Variants in EXOC6 observed in about 807,000 individuals in gnomAD.
EXOC6 encodes the protein SEC15-like 1.
EXOC6 carries 60 observed loss-of-function variants against 112.5 expected under a neutral mutation model. The observed-to-expected ratio is 0.53, with a 90% CI of 0.43 to 0.66. EXOC6 has a LOEUF of 0.66. Among genes scored for constraint, EXOC6 ranks in the 30% least tolerant of loss-of-function variants. The pLI, the probability that EXOC6 is intolerant of heterozygous loss-of-function variation, is 0.00. For missense variants in EXOC6, 855 were observed against 957.1 expected, an observed-to-expected ratio of 0.89 and a Z score of 1.41; for synonymous variants, 295 against 308.0, an observed-to-expected ratio of 0.96 and a Z score of 0.44.
intron 1 of EXOC6, among the ~76,000 whole-genome samples, chr10:92,884,063 A>G (rs1564799572): frequency 6.6e-6 from 1 of 151,840 alleles, no homozygotes; most frequent in East Asian, 1.9e-4. Flanking sequence ...CAACTGGCTA[A>G]TTTTTTTGTA....
chr10:93,018,538 A>G (rs1163230697), intron 20 of EXOC6, among the ~76,000 whole-genome samples: 2 of 151,784 alleles, frequency 1.3e-5, no homozygotes, highest in African/African-American at 4.8e-5. Context: ...CCAAAATATG[A>G]TTGCTGGCAT....
In EXOC6 at chr10:92,848,523, T is replaced by C; in HGVS notation, c.-11T>C. ...CGCCGCGCCTCGCTGGCTCCTCAGC[T>C]TCCAGCCAAAATGGCGGAGAACAGC... On this transcript the variant is annotated 5_prime_UTR_variant, in exon 1 of 22. Coordinates refer to ENST00000260762, the MANE Select transcript of EXOC6 (RefSeq NM_019053.6). 2 of 1,337,514 alleles carry C rather than the reference T, an allele frequency of 1.5e-6. No homozygotes were observed. Among genetic ancestry groups the C allele is most frequent in the South Asian group, 2.7e-5 (2 of 74,834 alleles). 82.9% of individuals were successfully genotyped at this position (1,337,514 alleles called of 1,614,324 possible).
At chr10:92,939,130 T>C (rs187567996) in intron 12 of EXOC6, among the ~76,000 whole-genome samples, 4 of 152,262 alleles carry the variant, frequency 2.6e-5, no homozygotes, top group African/African-American at 9.6e-5. Context: ...ATGGGACATC[T>C]TGTGGGACTT....
At chr10:92,980,214 TA>T (rs1404825694) in intron 18 of EXOC6, among the ~76,000 whole-genome samples, 1 of 152,172 alleles carries the variant, frequency 6.6e-6, no homozygotes, top group African/African-American at 2.4e-5. Context: ...TAGAAATACT[TA>T]TATTTGAACT....
intron 1 of EXOC6, among the ~76,000 whole-genome samples, chr10:92,893,098 G>A (rs1409414081): frequency 6.6e-6 from 1 of 152,006 alleles, no homozygotes; most frequent in African/African-American, 2.4e-5. Flanking sequence ...CTTGTATTAG[G>A]CCCACATCTC....
At chr10:92,849,783 T>C (rs1218150602) in intron 1 of EXOC6, among the ~76,000 whole-genome samples, 2 of 152,134 alleles carry the variant, frequency 1.3e-5, no homozygotes, top group Non-Finnish European at 2.9e-5. Context: ...TGTGCAGTCA[T>C]GGAAAAAAAT....
At chr10:92,918,407 T>C (rs1851233658) in intron 7 of EXOC6, among the ~76,000 whole-genome samples, 1 of 145,806 alleles carries the variant, frequency 6.9e-6, no homozygotes, top group Admixed American at 7.2e-5. Flanking sequence ...GTGTTTACTA[T>C]GTGCATTTCT....
intron 20 of EXOC6, among the ~76,000 whole-genome samples, chr10:93,038,166 A>G (rs1204912661): frequency 6.6e-6 from 1 of 151,578 alleles, no homozygotes; most frequent in Non-Finnish European, 1.5e-5. Flanking sequence ...AAATATTTAA[A>G]TGCTTTGTTA....
intron 20 of EXOC6, among the ~76,000 whole-genome samples, chr10:93,031,463 C>T (rs1845266592): frequency 2.0e-5 from 3 of 150,556 alleles, no homozygotes; most frequent in Admixed American, 2.0e-4. Context: ...TTTAATTAGA[C>T]AAGAGTGTAG....
rs775802067 is a variant in EXOC6, at chr10:92,894,830, G to T, written c.310G>T (p.Ala104Ser). 5.6e-6 allele frequency: 9 copies of T among 1,613,522 alleles called. No homozygotes were observed. The South Asian group carries it at 8.8e-5, about 16-fold the overall frequency. The part of the protein sequence containing the change: ...VTDTNRRFQD[A>S]GKEVIVHTED... ...TGATACCAACCGAAGGTTTCAAGAT[G>T]CTGGAAAAGAGGTGAGAAAATGATA... Residue 104 changes from alanine (A) to serine (S), a missense_variant, in exon 3 of 22, where the codon GCT becomes TCT. By Grantham distance (99) the Ala-to-Ser change is moderately conservative (BLOSUM62 1). This residue lies in a region of EXOC6 where 405 missense variants were observed against 393.6 expected (regional missense o/e 1.03). Transcript: ENST00000260762.
intron 20 of EXOC6, among the ~76,000 whole-genome samples, chr10:93,053,492 C>T (rs532284206): frequency 6.6e-5 from 10 of 152,322 alleles, no homozygotes; most frequent in Admixed American, 1.3e-4. Context: ...ACTTACTTAA[C>T]GTTAGACCCA....
chr10:92,833,107 T>A (rs185150750), upstream of EXOC6, among the ~76,000 whole-genome samples: 1 of 152,298 alleles, frequency 6.6e-6, no homozygotes, highest in East Asian at 1.9e-4. Context: ...TGGGGGCTAT[T>A]GGTGGGGTTG....
At chr10:92,872,021 C>T (rs1848473706) in intron 1 of EXOC6, among the ~76,000 whole-genome samples, 2 of 151,774 alleles carry the variant, frequency 1.3e-5, no homozygotes, top group African/African-American at 2.4e-5. Context: ...CATACATTTT[C>T]TGTTTTCTAA....
chr10:93,009,736 G>A (rs998811181), intron 19 of EXOC6, among the ~76,000 whole-genome samples: 4 of 152,202 alleles, frequency 2.6e-5, no homozygotes, highest in Admixed American at 2.0e-4. Flanking sequence ...AAAGAGAGTG[G>A]TATATGCATG....
At chr10:92,970,101 A>G (rs1450261831) in intron 17 of EXOC6, among the ~76,000 whole-genome samples, 3 of 152,034 alleles carry the variant, frequency 2.0e-5, no homozygotes, top group Admixed American at 1.3e-4. Context: ...GTGCTCATCT[A>G]CTGCTTACTA....
chr10:92,937,209 A>G (rs1165275436), intron 12 of EXOC6, among the ~76,000 whole-genome samples: 5 of 152,156 alleles, frequency 3.3e-5, no homozygotes, highest in Admixed American at 6.5e-5. Context: ...TGAAGTACAG[A>G]CTAGCATTTT....
intron 1 of EXOC6, among the ~76,000 whole-genome samples, chr10:92,878,840 C>A (rs61860837): frequency 0.022 from 3,344 of 152,104 alleles, 57 homozygotes; most frequent in African/African-American, 0.041. Context: ...TATACCTAGT[C>A]AAGTTGAGAT....
chr10:92,895,077 A>G, intron 4 of EXOC6, 57 bp downstream of exon 4: 7 of 996,856 alleles, frequency 7.0e-6, no homozygotes, highest in South Asian at 6.6e-5. Context: ...TAATTTAATA[A>G]TAGCAAGTAG....
chr10:92,853,337 T>G (rs552526512), intron 1 of EXOC6, among the ~76,000 whole-genome samples: 1 of 152,332 alleles, frequency 6.6e-6, no homozygotes, highest in East Asian at 1.9e-4. Context: ...AGTCTAGATA[T>G]TCAAGATAAT....
Sources: gnomAD v4.1 joint callset for allele counts (sites outside exome capture counted in the v4.1 genomes callset) on GRCh38, gnomAD v4.1.1 for gene constraint, gnomAD v4.1.1 regional missense constraint, MANE v1.5 for transcripts, NCBI Gene and HGNC (gene_info 2026-07-23, HGNC 2026-07-21) for gene names.